Variants in AUTS2 observed in about 807,000 individuals in gnomAD.
The protein encoded by AUTS2 is activator of transcription and developmental regulator AUTS2.
Under a neutral mutation model 112.4 loss-of-function variants are expected in AUTS2, and 17 were observed. The observed-to-expected ratio is 0.15, with a 90% CI of 0.10 to 0.23. The LOEUF is 0.23. AUTS2 is among the 10% of genes least tolerant of loss of function. The pLI is 1.00. For synonymous variants in AUTS2, 751 were observed against 702.7 expected, an observed-to-expected ratio of 1.07 and a Z score of -1.09; for missense variants, 1,510 against 1,701.6, an observed-to-expected ratio of 0.89 and a Z score of 1.98.
At chr7:70,004,664 G>A (rs1425924755) in intron 2 of AUTS2, among the ~76,000 whole-genome samples, 1 of 151,322 alleles carries the variant, frequency 6.6e-6, no homozygotes, top group Non-Finnish European at 1.5e-5. Context: ...TAGAGGCAGA[G>A]TGTTTTAAAA....
intron 1 of AUTS2, among the ~76,000 whole-genome samples, chr7:69,850,158 G>A (rs1017624668): frequency 1.3e-5 from 2 of 151,496 alleles, no homozygotes; most frequent in African/African-American, 2.4e-5. Context: ...AATTAGCCGG[G>A]CGTAGTGGCA....
chr7:70,241,335 A>C (rs1180718609), intron 4 of AUTS2, among the ~76,000 whole-genome samples: 1 of 152,178 alleles, frequency 6.6e-6, no homozygotes, highest in Non-Finnish European at 1.5e-5. Context: ...TTAACATTAC[A>C]TACTTGCCTT....
intron 1 of AUTS2, among the ~76,000 whole-genome samples, chr7:69,683,241 T>C (rs2129170336): frequency 6.6e-6 from 1 of 152,270 alleles, no homozygotes; most frequent in African/African-American, 2.4e-5. Flanking sequence ...ACCTGGCTGG[T>C]TGCCATGATG....
intron 5 of AUTS2, among the ~76,000 whole-genome samples, chr7:70,636,332 G>T (rs1585414486): frequency 6.6e-6 from 1 of 152,196 alleles, no homozygotes; most frequent in African/African-American, 2.4e-5. Context: ...AGAGAGCTGT[G>T]TTGCAGCCAG....
At chr7:70,147,319 C>A (rs1807181446) in intron 4 of AUTS2, among the ~76,000 whole-genome samples, 1 of 151,716 alleles carries the variant, frequency 6.6e-6, no homozygotes, top group African/African-American at 2.4e-5. Flanking sequence ...GATGTTATAA[C>A]TTTTTCAAAG....
intron 4 of AUTS2, among the ~76,000 whole-genome samples, chr7:70,376,856 T>G (rs1225867314): frequency 2.0e-5 from 3 of 151,612 alleles, no homozygotes; most frequent in Non-Finnish European, 4.4e-5. Context: ...ACTAAGTGTC[T>G]TTGGGAGCCT....
chr7:69,803,653 G>C (rs1790180395), intron 1 of AUTS2, among the ~76,000 whole-genome samples: 1 of 152,174 alleles, frequency 6.6e-6, no homozygotes, highest in African/African-American at 2.4e-5. Context: ...AAACTCAACT[G>C]TTCCCACCTG....
At chr7:70,062,599 A>G (rs925884633) in intron 2 of AUTS2, among the ~76,000 whole-genome samples, 5 of 152,038 alleles carry the variant, frequency 3.3e-5, no homozygotes, top group African/African-American at 1.2e-4. Context: ...ATCCTTAGCT[A>G]GTTTCATCAT....
chr7:70,666,029 G>A (rs1807331736), intron 5 of AUTS2, among the ~76,000 whole-genome samples: 1 of 152,142 alleles, frequency 6.6e-6, no homozygotes, highest in Non-Finnish European at 1.5e-5. Context: ...ACTGACAAGT[G>A]GAAGATGCCC....
chr7:70,680,434 T>C (rs1808149942), intron 5 of AUTS2, among the ~76,000 whole-genome samples: 1 of 152,214 alleles, frequency 6.6e-6, no homozygotes, highest in Non-Finnish European at 1.5e-5. Flanking sequence ...CAGCACCTCA[T>C]CTTCCCTGTC....
intron 2 of AUTS2, among the ~76,000 whole-genome samples, chr7:69,952,217 A>G (rs1797054307): frequency 6.6e-6 from 1 of 152,118 alleles, no homozygotes; most frequent in African/African-American, 2.4e-5. Flanking sequence ...TTGTCCTTTA[A>G]ATGTTTTTGT....
At position 69,809,952 on chromosome 7, in the gene AUTS2, A is replaced by G. The variant is rs181940331; in HGVS notation, c.310-89334A>G. 1.4e-3 allele frequency among the ~76,000 whole-genome samples: 206 copies of G among 152,278 alleles called. 1 individual carries two copies. Among genetic ancestry groups the G allele is most frequent in the Admixed American group, 3.9e-3 (59 of 15,292 alleles). The stretch of plus-strand genomic sequence containing the variant: ...AATCAATTCTCTACATCAAAACCAG[A>G]GTGACTTTTCCTAAAATATACACAT... On this transcript the variant is annotated intron_variant, in intron 1 of 18. Coordinates refer to ENST00000342771, the MANE Select transcript of AUTS2 (RefSeq NM_015570.4).
intron 1 of AUTS2, among the ~76,000 whole-genome samples, chr7:69,662,100 C>T (rs1233371447): frequency 6.6e-6 from 1 of 152,062 alleles, no homozygotes; most frequent in Non-Finnish European, 1.5e-5. Context: ...TTCTTATTCC[C>T]TTCTCCTTCC....
In AUTS2 at chr7:70,790,666, C is replaced by T. The variant is rs1373445276; in HGVS notation, c.3450C>T (p.Asp1150=). 5.0e-6 allele frequency: 8 copies of T among 1,613,462 alleles called. No individual in the cohort carries two copies. Among genetic ancestry groups the T allele is most frequent in the South Asian group, 3.3e-5 (3 of 91,062 alleles). ...RREHERGGHL[D]ERERLHMLRE... is the part of the protein sequence containing the mutation. The stretch of plus-strand genomic sequence containing the variant: ...AGCACGAGCGGGGAGGCCACCTGGA[C>T]GAGCGGGAGCGCTTGCACATGCTCA... Residue 1150 remains aspartate (D), a synonymous_variant, in exon 19 of 19, where the codon GAC becomes GAT. Transcript: ENST00000342771. This position sits in a 1 kb window ranked among gnomAD's most constrained non-coding sequence, Gnocchi z 7.6.
At chr7:69,978,900 A>ACG (rs1554418167) in intron 2 of AUTS2, among the ~76,000 whole-genome samples, 14 of 128,486 alleles carry the variant, frequency 1.1e-4, no homozygotes, top group African/African-American at 3.9e-4. Flanking sequence ...ACACACACAC[A>ACG]CGCACACACG....
intron 4 of AUTS2, among the ~76,000 whole-genome samples, chr7:70,398,738 A>G (rs542231160): frequency 6.6e-6 from 1 of 152,244 alleles, no homozygotes; most frequent in African/African-American, 2.4e-5. Context: ...ATTCACTTTT[A>G]GAACCTCCAA....
intron 1 of AUTS2, among the ~76,000 whole-genome samples, chr7:69,820,544 A>G (rs1790944089): frequency 6.6e-6 from 1 of 152,244 alleles, no homozygotes; most frequent in Non-Finnish European, 1.5e-5. Context: ...ATAAATGAGT[A>G]AACAAGGCAC....
chr7:70,044,063 G>A (rs1354696057), intron 2 of AUTS2, among the ~76,000 whole-genome samples: 10 of 151,610 alleles, frequency 6.6e-5, no homozygotes, highest in African/African-American at 1.9e-4. Flanking sequence ...ATTGGCGTGT[G>A]GTGTTTTTAG....
intron 4 of AUTS2, among the ~76,000 whole-genome samples, chr7:70,434,428 T>C (rs1795805950): frequency 6.6e-6 from 1 of 152,210 alleles, no homozygotes; most frequent in South Asian, 2.1e-4. Flanking sequence ...TTCAAAGCTA[T>C]ACCAACTCCC....
Sources: gnomAD v4.1 joint callset for allele counts (sites outside exome capture counted in the v4.1 genomes callset) on GRCh38, gnomAD v4.1.1 for gene constraint, Gnocchi (gnomAD v3.1) non-coding constraint, MANE v1.5 for transcripts, NCBI Gene and HGNC (gene_info 2026-07-23, HGNC 2026-07-21) for gene names.